SYTL2: variants seen among roughly 807,000 people sequenced by gnomAD.
SYTL2 encodes the protein synaptotagmin like 2, also known as synaptotagmin-like protein 2.
Under a neutral mutation model 198.7 loss-of-function variants are expected in SYTL2, and 165 were observed. The ratio of observed to expected loss-of-function variants is 0.83; its 90% CI spans 0.73 to 0.94. SYTL2 has a LOEUF of 0.94. SYTL2 is among the 40% of genes least tolerant of loss of function. The probability of loss-of-function intolerance (pLI) is 0.00; values close to 1 mark genes in which losing one functional copy is unlikely to be tolerated. For synonymous variants in SYTL2, 966 were observed against 917.7 expected (o/e 1.05, Z -0.95); for missense variants, 2,835 against 2,582.8 (o/e 1.10, Z -2.12).
chr11:85,714,845 A>G (rs753850104), intron 11 of SYTL2: 135 of 288,480 alleles, frequency 4.7e-4, no homozygotes, highest in Non-Finnish European at 6.3e-4. Flanking sequence ...TTCAGACCAC[A>G]AAGTCTGTAC....
chr11:85,748,156 TGA>T, intron 3 of SYTL2, 114 bp downstream of exon 3: 1 of 1,203,180 alleles, frequency 8.3e-7, no homozygotes, highest in Non-Finnish European at 1.2e-6. Context: ...CCACACATTA[TGA>T]AAAGTGTACA....
rs763345188 is a variant in SYTL2 at position 85,727,862 on chromosome 11, T to A, written c.1496A>T (p.Lys499Met). The change falls in exon 8 of 20, where the codon AAG becomes ATG. Residue 499 changes from lysine (K) to methionine (M), a missense_variant. Around this residue, in one of 3 missense-constraint regions of SYTL2, gnomAD observed 2,645 missense variants for 2,381.7 expected, o/e 1.11. Coordinates refer to ENST00000359152, the MANE Select transcript of SYTL2 (RefSeq NM_206927.4). ...KPPPLPALKA[K>M]TSSRSGPYAT... ...ATATGGACCAGAACGTGAAGATGTCTTAGCTTTTAGAGCCGGGAGAGGAGG... is the reference window on the plus strand; with the variant it reads ...ATATGGACCAGAACGTGAAGATGTCATAGCTTTTAGAGCCGGGAGAGGAGG... 1 of 1,612,738 alleles carries A rather than the reference T, an allele frequency of 6.2e-7. No homozygotes were observed.
chr11:85,781,203 A>G (rs1272709031), intron 1 of SYTL2, among the ~76,000 whole-genome samples: 3 of 152,154 alleles, frequency 2.0e-5, no homozygotes, highest in African/African-American at 7.2e-5. Flanking sequence ...GGGGAAGCAA[A>G]CACATCCTTC....
At chr11:85,808,817 TA>T (rs1366328233) in intron 1 of SYTL2, among the ~76,000 whole-genome samples, 1 of 152,018 alleles carries the variant, frequency 6.6e-6, no homozygotes, top group Non-Finnish European at 1.5e-5. Context: ...ACAAACATTA[TA>T]ATCTTATCCC....
intron 1 of SYTL2, among the ~76,000 whole-genome samples, chr11:85,761,086 C>G (rs2153559336): frequency 6.6e-6 from 1 of 152,118 alleles, no homozygotes; most frequent in Middle Eastern, 3.4e-3. Context: ...ACTGGAGGTG[C>G]AGCAAGGGAA....
chr11:85,763,765 C>T (rs141257356), intron 1 of SYTL2, among the ~76,000 whole-genome samples: 246 of 151,912 alleles, frequency 1.6e-3, no homozygotes, highest in Non-Finnish European at 1.5e-3. Context: ...GGGAGAATGC[C>T]GCCAGACAAA....
the SYTL2 span, among the ~76,000 whole-genome samples, chr11:85,835,207 G>T: frequency 6.6e-6 from 1 of 152,058 alleles, no homozygotes; most frequent in Non-Finnish European, 1.5e-5. Flanking sequence ...ATTTTTAATA[G>T]ATTCCATTTG....
chr11:85,781,623 T>C (rs2092561089), intron 1 of SYTL2, among the ~76,000 whole-genome samples: 1 of 152,216 alleles, frequency 6.6e-6, no homozygotes, highest in Non-Finnish European at 1.5e-5. Flanking sequence ...GGAAGTTAAT[T>C]ACTTCCTGGA....
At chr11:85,780,072 T>A (rs2092531686) in intron 1 of SYTL2, among the ~76,000 whole-genome samples, 1 of 152,158 alleles carries the variant, frequency 6.6e-6, no homozygotes, top group South Asian at 2.1e-4. Flanking sequence ...CTCACACTGG[T>A]GAAAGAAGAC....
intron 2 of SYTL2, among the ~76,000 whole-genome samples, chr11:85,751,558 G>A (rs1252384947): frequency 3.9e-5 from 6 of 152,158 alleles, no homozygotes; most frequent in African/African-American, 9.7e-5. Flanking sequence ...GAGAGAAGAC[G>A]CTCAGTAAAC....
chr11:85,794,743 C>G (rs987999014), intron 1 of SYTL2, among the ~76,000 whole-genome samples: 5 of 152,090 alleles, frequency 3.3e-5, no homozygotes, highest in African/African-American at 1.2e-4. Context: ...GGAAGTAAGT[C>G]TCAAACATGA....
intron 4 of SYTL2, among the ~76,000 whole-genome samples, chr11:85,741,032 C>T (rs762600906): frequency 6.6e-6 from 1 of 151,718 alleles, no homozygotes; most frequent in Non-Finnish European, 1.5e-5. Context: ...TTTCTCTCTA[C>T]AACAGTTAAA....
rs1187072161 is a variant in SYTL2 at position 85,717,537 on chromosome 11, A to C, written c.5483-7T>G. The C allele has an allele frequency of 6.2e-7, 1 of 1,610,728 alleles. No homozygotes were observed. On this transcript the variant is annotated splice_polypyrimidine_tract_variant and splice_region_variant and intron_variant, in intron 10 of 19. Coordinates refer to ENST00000359152, the MANE Select transcript of SYTL2 (RefSeq NM_206927.4). ...TTCTGATCTGGTTTCTCATCTACTC[A>C]GGAGGGCAACATTGAGAATAAATAC... is the stretch of plus-strand genomic sequence containing the variant.
chr11:85,770,511 CA>C (rs1420724433), intron 1 of SYTL2, among the ~76,000 whole-genome samples: 1 of 152,174 alleles, frequency 6.6e-6, no homozygotes, highest in Admixed American at 6.5e-5. Flanking sequence ...CAGAGAAGTC[CA>C]AATTCCTTAC....
At chr11:85,730,904 T>A (rs1223824294) in intron 7 of SYTL2, among the ~76,000 whole-genome samples, 1 of 152,162 alleles carries the variant, frequency 6.6e-6, no homozygotes, top group Non-Finnish European at 1.5e-5. Flanking sequence ...AGTCTCAGGA[T>A]ACAAAATCAA....
At chr11:85,847,848 T>G in the SYTL2 span, among the ~76,000 whole-genome samples, 1 of 152,328 alleles carries the variant, frequency 6.6e-6, no homozygotes, top group East Asian at 1.9e-4. Flanking sequence ...GAATTATTTA[T>G]AAATTCTAGA....
At chr11:85,747,846 T>C (rs936664022) in intron 3 of SYTL2, among the ~76,000 whole-genome samples, 4 of 152,228 alleles carry the variant, frequency 2.6e-5, no homozygotes, top group African/African-American at 4.8e-5. Context: ...AAAATGTCTT[T>C]ACGGTCTCTT....
intron 17 of SYTL2, among the ~76,000 whole-genome samples, chr11:85,699,359 C>T (rs2083899844): frequency 1.3e-5 from 2 of 152,128 alleles, no homozygotes; most frequent in Middle Eastern, 3.4e-3. Context: ...TGGTGGCACC[C>T]ATCACAACAC....
chr11:85,698,605 A>G (rs2083769921), intron 17 of SYTL2, among the ~76,000 whole-genome samples: 1 of 152,074 alleles, frequency 6.6e-6, no homozygotes, highest in South Asian at 2.1e-4. Flanking sequence ...TGGCACAATC[A>G]TGGCTCACTG....
Sources: gnomAD v4.1 joint callset for allele counts (sites outside exome capture counted in the v4.1 genomes callset) on GRCh38, gnomAD v4.1.1 for gene constraint, gnomAD v4.1.1 regional missense constraint, MANE v1.5 for transcripts, NCBI Gene and HGNC (gene_info 2026-07-23, HGNC 2026-07-21) for gene names.